The following SORCS2 variants were observed in gnomAD, a reference collection of about 807,000 sequenced individuals.
SORCS2 encodes VPS10 domain-containing receptor SorCS2.
In SORCS2, 100 loss-of-function variants were observed where a neutral mutation model predicts 141.6. The observed-to-expected ratio is 0.71, with a 90% CI of 0.60 to 0.83. SORCS2 has a LOEUF of 0.83. SORCS2 is among the 40% of genes least tolerant of loss of function. The pLI, the probability that SORCS2 is intolerant of heterozygous loss-of-function variation, is 0.00. For synonymous variants in SORCS2, 789 were observed against 676.9 expected (o/e 1.17, Z -2.57); for missense variants, 1,646 against 1,560.2 (o/e 1.05, Z -0.93).
At position 7,663,489 on chromosome 4, in the gene SORCS2, A is replaced by G. The variant is rs562562578; in HGVS notation, c.953-864A>G. Among the ~76,000 whole-genome samples the G allele has an allele frequency of 1.3e-5, 2 of 152,362 alleles. No homozygotes were observed. The highest frequency in any genetic ancestry group is 4.8e-5 in the African/African-American group (2 of 41,586). On this transcript the variant is annotated intron_variant, in intron 6 of 26. Transcript: ENST00000507866. This position sits in a 1 kb window ranked among gnomAD's most constrained non-coding sequence, Gnocchi z 4.8. Reference sequence around the variant, plus strand: ...GCACACCAGTCAGTTTCAAGGGAACATGGATGTGGCTCAGGAGGGCTTGGC... The same window carrying G: ...GCACACCAGTCAGTTTCAAGGGAACGTGGATGTGGCTCAGGAGGGCTTGGC...
At chr4:7,661,387 A>G (rs1722154261) in intron 5 of SORCS2, 113 bp from the exon 6 acceptor site, 2 of 1,105,346 alleles carry the variant, frequency 1.8e-6, no homozygotes, top group Non-Finnish European at 2.7e-6. Context: ...CCCACAGAGC[A>G]AGGGCGGCTT....
intron 3 of SORCS2, among the ~76,000 whole-genome samples, chr4:7,593,734 G>A (rs1287107645): frequency 6.6e-6 from 1 of 152,212 alleles, no homozygotes; most frequent in Non-Finnish European, 1.5e-5. Flanking sequence ...GGTGCCGCTT[G>A]CCAGCCAGCA....
chr4:7,694,489 C>A (rs1281153831), intron 11 of SORCS2, among the ~76,000 whole-genome samples: 1 of 151,908 alleles, frequency 6.6e-6, no homozygotes, highest in Non-Finnish European at 1.5e-5. Context: ...AAACAGATAG[C>A]ATTTCTTAAA....
At chr4:7,410,876 G>C (rs956374598) in intron 2 of SORCS2, among the ~76,000 whole-genome samples, 1 of 150,402 alleles carries the variant, frequency 6.6e-6, no homozygotes, top group Admixed American at 6.6e-5. Flanking sequence ...TGAGGTGACT[G>C]AGAAATCACG....
chr4:7,554,087 A>G (rs1183488235), intron 3 of SORCS2, among the ~76,000 whole-genome samples: 1 of 112,306 alleles, frequency 8.9e-6, no homozygotes, highest in Non-Finnish European at 1.8e-5. Flanking sequence ...GAGGGAACAA[A>G]TGCAAGGCCA....
At chr4:7,383,091 C>A (rs1245563905) in intron 1 of SORCS2, among the ~76,000 whole-genome samples, 1 of 152,108 alleles carries the variant, frequency 6.6e-6, no homozygotes, top group Non-Finnish European at 1.5e-5. Context: ...TCATGCCCCG[C>A]GGGGCTGCTG....
chr4:7,680,837 T>G (rs1723483808), intron 9 of SORCS2, among the ~76,000 whole-genome samples: 1 of 152,130 alleles, frequency 6.6e-6, no homozygotes, highest in Non-Finnish European at 1.5e-5. Context: ...GAGAGCCAAC[T>G]CCGAGGGTAA....
rs539590139 is a variant in SORCS2 at position 7,655,202 on chromosome 4, T to TGTACACACACACACACAC, written c.887+995_887+996insGTACACACACACACACAC. ...ATGGCATTCCTCTTTCTTGTGCGTG[T>TGTACACACACACACACAC]ACACACACACACACACACACACACA... is the stretch of plus-strand genomic sequence containing the variant. On this transcript the variant is annotated intron_variant, in intron 5 of 26. Transcript: ENST00000507866. 8.0e-3 allele frequency among the ~76,000 whole-genome samples: 1,192 copies of TGTACACACACACACACAC among 148,956 alleles called. 19 individuals carry two copies. The highest frequency in any genetic ancestry group is 0.028 in the African/African-American group (1,123 of 40,514).
At chr4:7,365,764 A>C (rs1367165943) in intron 1 of SORCS2, among the ~76,000 whole-genome samples, 9 of 152,148 alleles carry the variant, frequency 5.9e-5, no homozygotes, top group Non-Finnish European at 1.5e-5. Flanking sequence ...GGGCTGCGCT[A>C]ATGATAATAA....
chr4:7,269,778 G>A (rs1714994272), intron 1 of SORCS2, among the ~76,000 whole-genome samples: 1 of 152,230 alleles, frequency 6.6e-6, no homozygotes, highest in Non-Finnish European at 1.5e-5. Context: ...GGGACCTCTG[G>A]TGCCCAGAAC....
intron 3 of SORCS2, among the ~76,000 whole-genome samples, chr4:7,544,117 C>T (rs1365404474): frequency 1.3e-5 from 2 of 151,956 alleles, no homozygotes; most frequent in East Asian, 1.9e-4. Context: ...CCCATCCATC[C>T]ACCCATCCAC....
chr4:7,661,287 C>T (rs909651390), intron 5 of SORCS2, among the ~76,000 whole-genome samples: 6 of 150,912 alleles, frequency 4.0e-5, no homozygotes, highest in African/African-American at 1.5e-4. Flanking sequence ...AACGCAGAGA[C>T]TCCAACCCCC....
intron 1 of SORCS2, among the ~76,000 whole-genome samples, chr4:7,333,164 C>A (rs1374475266): frequency 1.3e-5 from 2 of 152,212 alleles, no homozygotes; most frequent in Non-Finnish European, 2.9e-5. Context: ...CCTCTGACCC[C>A]ACCCCACTAG....
At chr4:7,724,928 GGTAGTA>G (rs201634505) in intron 19 of SORCS2, among the ~76,000 whole-genome samples, 192 of 84,680 alleles carry the variant, frequency 2.3e-3, no homozygotes, top group African/African-American at 8.9e-3. Flanking sequence ...AATGGATGGT[GGTAGTA>G]GTGGTGATGG....
At chr4:7,308,800 C>T (rs576246428) in intron 1 of SORCS2, among the ~76,000 whole-genome samples, 1 of 152,246 alleles carries the variant, frequency 6.6e-6, no homozygotes, top group Middle Eastern at 3.4e-3. Context: ...ACCCTGTCTT[C>T]TCTCTCCAGC....
At chr4:7,395,331 A>G (rs1724139624) in intron 1 of SORCS2, among the ~76,000 whole-genome samples, 1 of 152,118 alleles carries the variant, frequency 6.6e-6, no homozygotes, top group Admixed American at 6.5e-5. Flanking sequence ...ACCCCAAATA[A>G]CGAGGCTAAC....
chr4:7,456,480 G>A (rs4689752), intron 2 of SORCS2, among the ~76,000 whole-genome samples: 70,218 of 138,692 alleles, frequency 0.51, 18,419 homozygotes, highest in East Asian at 0.9. Context: ...AAGGGTGAGA[G>A]GGGGGGGGCC....
intron 1 of SORCS2, among the ~76,000 whole-genome samples, chr4:7,285,036 A>ATTTT (rs34265329): frequency 1.4e-5 from 2 of 140,070 alleles, no homozygotes; most frequent in South Asian, 2.3e-4. Flanking sequence ...ATATATATAT[A>ATTTT]TTTTTTTTTT....
chr4:7,487,418 T>A (rs913073395), intron 2 of SORCS2, among the ~76,000 whole-genome samples: 1 of 152,178 alleles, frequency 6.6e-6, no homozygotes, highest in Admixed American at 6.5e-5. Context: ...AGACCTCCAC[T>A]TCCCCCTCCC....
Sources: gnomAD v4.1 joint callset for allele counts (sites outside exome capture counted in the v4.1 genomes callset) on GRCh38, gnomAD v4.1.1 for gene constraint, Gnocchi (gnomAD v3.1) non-coding constraint, MANE v1.5 for transcripts, NCBI Gene and HGNC (gene_info 2026-07-23, HGNC 2026-07-21) for gene names.